Variants in PDGFRB observed in about 807,000 individuals in gnomAD.
PDGFRB encodes platelet-derived growth factor receptor beta.
A neutral mutation model predicts 120.2 loss-of-function variants in PDGFRB; 42 were observed. That is an observed-to-expected ratio of 0.35 (90% CI 0.27 to 0.45). PDGFRB has a LOEUF of 0.45. Among genes scored for constraint, PDGFRB ranks in the 20% least tolerant of loss-of-function variants. PDGFRB has a pLI of 1.00. For missense variants in PDGFRB, 1,149 were observed against 1,476.3 expected (o/e 0.78, Z 3.63); for synonymous variants, 586 against 606.8 (o/e 0.97, Z 0.50).
At chr5:150,135,511 G>C in intron 3 of PDGFRB, 44 bp downstream of exon 3, 2 of 1,244,538 alleles carry the variant, frequency 1.6e-6, no homozygotes, top group Non-Finnish European at 2.3e-6. Flanking sequence ...GCCTCCAGTT[G>C]ACAAGAGGGG....
At chr5:150,150,440 G>A (rs1202904169) in intron 1 of PDGFRB, among the ~76,000 whole-genome samples, 1 of 152,230 alleles carries the variant, frequency 6.6e-6, no homozygotes, top group East Asian at 1.9e-4. Flanking sequence ...ACAGGGCGGA[G>A]AAGCTGGTAC....
chr5:150,153,991 A>G (rs1289283195), intron 1 of PDGFRB: 1 of 151,886 alleles, frequency 6.6e-6, no homozygotes, highest in Non-Finnish European at 1.5e-5. Flanking sequence ...GAAACCTTAA[A>G]CCTTTCCCCA....
intron 1 of PDGFRB, among the ~76,000 whole-genome samples, chr5:150,153,039 G>A (rs1489877778): frequency 1.3e-5 from 2 of 152,236 alleles, no homozygotes; most frequent in Non-Finnish European, 2.9e-5. Flanking sequence ...GTTACCCACA[G>A]CGCTCACTGC....
Position 150,118,763 on chromosome 5 carries a change from C to A in PDGFRB, c.2888G>T (p.Gly963Val). The change falls in exon 21 of 23, where the codon GGC becomes GTC. Residue 963 changes from glycine (G) to valine (V), a missense_variant. Coordinates refer to ENST00000261799, the MANE Select transcript of PDGFRB (RefSeq NM_002609.4). Reference protein sequence around the residue: ...QLVLLLERLLGEGYKKKYQQV... With the variant: ...QLVLLLERLLVEGYKKKYQQV... Reference sequence around the variant, plus strand: ...TCAACATACCTTTTTGTAACCTTCGCCCAACAGTCTCTCGAGAAGCAGCAC... The same window carrying A: ...TCAACATACCTTTTTGTAACCTTCGACCAACAGTCTCTCGAGAAGCAGCAC... 1 of 1,610,798 alleles carries A rather than the reference C, an allele frequency of 6.2e-7. No individual in the cohort carries two copies. The highest frequency in any genetic ancestry group is 8.5e-7 in the Non-Finnish European group (1 of 1,176,980).
At chr5:150,140,888 G>A (rs569558519) in intron 1 of PDGFRB, among the ~76,000 whole-genome samples, 7 of 152,194 alleles carry the variant, frequency 4.6e-5, no homozygotes, top group East Asian at 1.9e-4. Flanking sequence ...CTTTCCCACC[G>A]CCTTAATCTA....
intron 8 of PDGFRB, among the ~76,000 whole-genome samples, chr5:150,131,318 T>C (rs1760458759): frequency 6.6e-6 from 1 of 152,164 alleles, no homozygotes; most frequent in South Asian, 2.1e-4. Flanking sequence ...ACACAAGCCT[T>C]TCAGTGATTG....
In PDGFRB at chr5:150,121,836, C is replaced by G. The variant is rs1203049155; in HGVS notation, c.2344+44G>C. The G allele has an allele frequency of 1.4e-6, 2 of 1,465,854 alleles. No homozygotes were observed. The highest frequency in any genetic ancestry group is 2.8e-5 in the African/African-American group (2 of 72,090). The allele number at this position is 1,465,854 out of a possible 1,614,324, so 90.8% of individuals were successfully genotyped here. On this transcript the variant is annotated intron_variant, in intron 16 of 22. Transcript: ENST00000261799. This position sits in a 1 kb window ranked among gnomAD's most constrained non-coding sequence, Gnocchi z 4.1. ...GCAAGGCTGGGCATGTGAAGAGCAT[C>G]AGCCTGTTTGGATGTGGGGTACTAT...
intron 1 of PDGFRB, among the ~76,000 whole-genome samples, chr5:150,144,187 ACCTCCAATCTGTCC>A (rs1358619130): frequency 1.3e-5 from 2 of 151,374 alleles, no homozygotes; most frequent in African/African-American, 4.9e-5. Flanking sequence ...CAATCTCCTC[ACCTCCAATCTGTCC>A]CCTCCACCTG....
chr5:150,127,945 C>T (rs1760345787), intron 10 of PDGFRB, among the ~76,000 whole-genome samples: 3 of 151,866 alleles, frequency 2.0e-5, no homozygotes, highest in African/African-American at 7.3e-5. Context: ...ATGACTCTAC[C>T]TCTGCTTCCC....
At position 150,150,619 on chromosome 5, in the gene PDGFRB, G is replaced by A. The variant is rs367661546; in HGVS notation, c.-7+4778C>T. On this transcript the variant is annotated intron_variant, in intron 1 of 22. Transcript: ENST00000261799. Reference sequence around the variant, plus strand: ...GAAGCATCTGGTGGATGTAGGGGGCGGGGGCAGGGTGGGCTCTGGGGCTAA... The same window carrying A: ...GAAGCATCTGGTGGATGTAGGGGGCAGGGGCAGGGTGGGCTCTGGGGCTAA... 4.2e-5 allele frequency among the ~76,000 whole-genome samples: 6 copies of A among 144,022 alleles called. No individual in the cohort carries two copies. The South Asian group carries it at 6.6e-4, about 16-fold the overall frequency. The allele number at this position is 144,022 out of a possible 152,430, so 94.5% of individuals were successfully genotyped here. A position where few individuals can be genotyped will look rare whatever the true frequency, so the allele number is the denominator to read the frequency against.
chr5:150,149,379 C>T (rs1470228693), intron 1 of PDGFRB, among the ~76,000 whole-genome samples: 10 of 152,164 alleles, frequency 6.6e-5, no homozygotes, highest in Admixed American at 6.5e-4. Flanking sequence ...AAAATGATGA[C>T]TGCAGAGCAT....
At chr5:150,122,938 C>T in intron 15 of PDGFRB, 104 bp downstream of exon 15, 1 of 1,023,148 alleles carries the variant, frequency 9.8e-7, no homozygotes, top group South Asian at 1.4e-5. Flanking sequence ...ATTCTGTCCC[C>T]TGCCCTGTCA....
intron 1 of PDGFRB, among the ~76,000 whole-genome samples, chr5:150,154,230 G>A (rs1383884523): frequency 1.3e-5 from 2 of 152,100 alleles, no homozygotes; most frequent in Admixed American, 1.3e-4. Flanking sequence ...CAGAAAGGGG[G>A]AAGAGGGAGG....
intron 1 of PDGFRB, among the ~76,000 whole-genome samples, chr5:150,141,648 G>A (rs766319509): frequency 6.6e-6 from 1 of 152,300 alleles, no homozygotes; most frequent in South Asian, 2.1e-4. Context: ...GGATTTGAGA[G>A]TTACTTAGCT....
In PDGFRB at chr5:150,135,804, C is replaced by G. The variant is rs750457698; in HGVS notation, c.115G>C (p.Gly39Arg). The G allele has an allele frequency of 4.4e-6, 7 of 1,592,856 alleles. No homozygotes were observed. In the South Asian group the frequency reaches 8.0e-5, roughly 18 times the overall value. The part of the protein sequence containing the change: ...ISQGLVVTPP[G>R]PELVLNVSST... ...GAGACATTGAGGACAAGCTCTGGCCCCGGGGGTGTGACGACCAGGCCCTGA... is the reference window on the plus strand; with the variant it reads ...GAGACATTGAGGACAAGCTCTGGCCGCGGGGGTGTGACGACCAGGCCCTGA... The change falls in exon 3 of 23, where the codon GGG (glycine) becomes CGG (arginine). Residue 39 changes from glycine to arginine, a missense_variant. Physicochemically the swap from Gly to Arg is moderately radical, Grantham distance 125. Around this residue, in one of 3 missense-constraint regions of PDGFRB, gnomAD observed 879 missense variants for 1,108.6 expected, o/e 0.79. Transcript: ENST00000261799.
intron 1 of PDGFRB, among the ~76,000 whole-genome samples, chr5:150,146,056 A>G (rs1185009804): frequency 6.6e-6 from 1 of 152,024 alleles, no homozygotes; most frequent in African/African-American, 2.4e-5. Context: ...CATTCCCTCT[A>G]TTCACATCTC....
rs1351932504 is a variant in PDGFRB at position 150,115,414 on chromosome 5, G to A, written c.*349C>T. ...GTAACTCCAAGAATCTTCCCAGGGA[G>A]GGATTCGGTCTCCCCACCTGTCAGC... On this transcript the variant is annotated 3_prime_UTR_variant, in exon 23 of 23. Coordinates refer to ENST00000261799, the MANE Select transcript of PDGFRB (RefSeq NM_002609.4). The A allele has an allele frequency of 1.2e-5, 3 of 258,110 alleles. No homozygotes were observed. Among genetic ancestry groups the A allele is most frequent in the Middle Eastern group, 1.1e-3 (1 of 910 alleles). The allele number at this position is 258,110 out of a possible 1,614,324, so 16.0% of individuals were successfully genotyped here.
rs201061735 is a variant in PDGFRB at position 150,117,709 on chromosome 5, C to T, written c.3046G>A (p.Glu1016Lys). The stretch of plus-strand genomic sequence containing the variant: ...GGGATGATATAGTCGTTGTCACCCT[C>T]ATTGGGCTGCACGGCAGTATAGAGG... Reference protein sequence around the residue: ...SVLYTAVQPNEGDNDYIIPLP... With the variant: ...SVLYTAVQPNKGDNDYIIPLP... The change falls in exon 22 of 23, where the codon GAG (glutamate) becomes AAG (lysine). Residue 1016 changes from glutamate (E) to lysine (K), a missense_variant. Glu to Lys is a moderately conservative substitution (Grantham distance 56). This residue lies in a region of PDGFRB where 202 missense variants were observed against 214.3 expected (regional missense o/e 0.94). Coordinates refer to ENST00000261799, the MANE Select transcript of PDGFRB (RefSeq NM_002609.4). 6.2e-7 allele frequency: 1 copy of T among 1,613,786 alleles called. No individual in the cohort carries two copies. The highest frequency in any genetic ancestry group is 2.2e-5 in the East Asian group (1 of 44,862).
intron 1 of PDGFRB, among the ~76,000 whole-genome samples, chr5:150,150,740 G>A (rs1205214093): frequency 1.6e-4 from 24 of 152,054 alleles, no homozygotes; most frequent in Non-Finnish European, 3.5e-4. Context: ...CAACAAGCAT[G>A]GGAATTTCAC....
Sources: allele counts gnomAD v4.1 joint callset (sites outside exome capture counted in the v4.1 genomes callset), GRCh38; gene constraint gnomAD v4.1.1; regional missense constraint gnomAD v4.1.1; non-coding constraint Gnocchi (gnomAD v3.1); transcripts MANE v1.5; gene names NCBI Gene and HGNC (gene_info 2026-07-23, HGNC 2026-07-21).